Variants in SAMD4A observed in about 807,000 individuals in gnomAD.
SAMD4A encodes the protein sterile alpha motif domain containing 4A, also known as protein Smaug homolog 1.
A neutral mutation model predicts 81.3 loss-of-function variants in SAMD4A; 33 were observed. The ratio of observed to expected loss-of-function variants is 0.41; its 90% CI spans 0.31 to 0.54. The LOEUF is 0.54. Among genes scored for constraint, SAMD4A ranks in the 20% least tolerant of loss-of-function variants. The probability of loss-of-function intolerance (pLI) is 0.37; values close to 1 mark genes in which losing one functional copy is unlikely to be tolerated. For synonymous variants in SAMD4A, 389 were observed against 382.1 expected (o/e 1.02, Z -0.21); for missense variants, 854 against 951.1 (o/e 0.90, Z 1.34).
At chr14:54,652,601 T>C (rs2035427721) in intron 2 of SAMD4A, 1 of 152,240 alleles carries the variant, frequency 6.6e-6, no homozygotes, top group Non-Finnish European at 1.5e-5. Context: ...CTAGTTTTTA[T>C]TTTGTAATCA....
chr14:54,776,434 C>CG lies in SAMD4A; in HGVS notation c.1943dup (p.Ser649GlnfsTer3). On this transcript the variant is annotated frameshift_variant, in exon 11 of 13. Coordinates refer to ENST00000554335, the MANE Select transcript of SAMD4A (RefSeq NM_015589.6). LOFTEE classifies it high-confidence loss of function. ...ACCAGAACCTGTGGTTTGCCAACCC[C>CG]GGGGGCAGCAATAGCATGCCAAGCC... 1 of 1,591,562 alleles carries CG rather than the reference C, an allele frequency of 6.3e-7. No homozygotes were observed. The highest frequency in any genetic ancestry group is 1.8e-5 in the Admixed American group (1 of 56,500).
chr14:54,727,788 T>C (rs1238701831), intron 3 of SAMD4A, among the ~76,000 whole-genome samples: 1 of 152,136 alleles, frequency 6.6e-6, no homozygotes, highest in Non-Finnish European at 1.5e-5. Flanking sequence ...TGAGGGTCAA[T>C]GGTATATAGA....
intron 2 of SAMD4A, among the ~76,000 whole-genome samples, chr14:54,692,522 A>G (rs1320948341): frequency 1.1e-4 from 16 of 152,200 alleles, no homozygotes; most frequent in Non-Finnish European, 2.1e-4. Flanking sequence ...CAGGGGCTAA[A>G]TCTAAGTGTA....
chr14:54,670,144 C>T (rs2035848647), intron 2 of SAMD4A, among the ~76,000 whole-genome samples: 1 of 152,100 alleles, frequency 6.6e-6, no homozygotes, highest in South Asian at 2.1e-4. Flanking sequence ...CCTGTCTGAC[C>T]CCAAGCAAGT....
intron 2 of SAMD4A, among the ~76,000 whole-genome samples, chr14:54,634,986 A>G (rs993572174): frequency 1.3e-5 from 2 of 152,206 alleles, no homozygotes; most frequent in African/African-American, 2.4e-5. Context: ...GTATCCTGCT[A>G]TGCATTCAGG....
Position 54,737,057 on chromosome 14 carries a change from A to G in SAMD4A, c.749A>G (p.Lys250Arg). ...GGCCAGGCACACCACAGCCCTTTGA[A>G]ACGATCTGTGTCCCTTACCCCACCC... ...LSGQAHHSPLKRSVSLTPPMN... is the reference protein window; with the variant it reads ...LSGQAHHSPLRRSVSLTPPMN... Residue 250 changes from lysine to arginine, a missense_variant, in exon 4 of 13, where the codon AAA becomes AGA. Coordinates refer to ENST00000554335, the MANE Select transcript of SAMD4A (RefSeq NM_015589.6). 2 of 1,614,008 alleles carry G rather than the reference A, an allele frequency of 1.2e-6. No homozygotes were observed. Among genetic ancestry groups the G allele is most frequent in the Non-Finnish European group, 1.7e-6 (2 of 1,179,994 alleles).
upstream of SAMD4A, among the ~76,000 whole-genome samples, chr14:54,566,743 ACACACGCGCGCACACACACACG>A (rs976652137): frequency 2.6e-5 from 4 of 151,780 alleles, no homozygotes; most frequent in Non-Finnish European, 5.9e-5. Context: ...GATGCCTGCC[ACACACGCGCGCACACACACACG>A]CACACGCGCG....
chr14:54,623,224 T>C (rs986022951), intron 2 of SAMD4A, among the ~76,000 whole-genome samples: 21 of 152,210 alleles, frequency 1.4e-4, no homozygotes, highest in African/African-American at 4.1e-4. Context: ...GCATCTCTGC[T>C]GGTCTGCCCA....
At position 54,640,523 on chromosome 14, in the gene SAMD4A, A is replaced by G. The variant is rs991103529; in HGVS notation, c.197-61539A>G. ...AGGGCTCCTTTTCCAAATTTATGCT[A>G]TTCTGGTTCGATTCTGGAGAAGCCG... On this transcript the variant is annotated intron_variant, in intron 2 of 12. Transcript: ENST00000554335. Among the ~76,000 whole-genome samples, 20 of 152,092 alleles carry G rather than the reference A, an allele frequency of 1.3e-4. 1 individual carries two copies. The highest frequency in any genetic ancestry group is 1.1e-3 in the Admixed American group (17 of 15,270).
intron 2 of SAMD4A, among the ~76,000 whole-genome samples, chr14:54,584,737 T>G (rs1271781309): frequency 6.6e-6 from 1 of 152,204 alleles, no homozygotes; most frequent in Non-Finnish European, 1.5e-5. Context: ...TTACCTAAGT[T>G]TATGCTAGAT....
chr14:54,768,021 A>C (rs894104243), intron 8 of SAMD4A, among the ~76,000 whole-genome samples: 1 of 152,192 alleles, frequency 6.6e-6, no homozygotes, highest in Non-Finnish European at 1.5e-5. Flanking sequence ...GCTGTTTGCC[A>C]CCAGGGAAGA....
chr14:54,608,967 A>G (rs2034288176), intron 2 of SAMD4A, among the ~76,000 whole-genome samples: 1 of 152,232 alleles, frequency 6.6e-6, no homozygotes, highest in African/African-American at 2.4e-5. Flanking sequence ...CGCTTTTCAC[A>G]TGTCAGAATG....
At chr14:54,718,865 G>A (rs767508985) in intron 3 of SAMD4A, among the ~76,000 whole-genome samples, 43 of 151,964 alleles carry the variant, frequency 2.8e-4, no homozygotes, top group Non-Finnish European at 1.6e-4. Context: ...TCAGCTGGGC[G>A]TGTGGCGGGC....
intron 9 of SAMD4A, among the ~76,000 whole-genome samples, chr14:54,772,853 C>G (rs2038742539): frequency 6.6e-6 from 1 of 151,768 alleles, no homozygotes; most frequent in Admixed American, 6.6e-5. Context: ...CGGCCCTTGT[C>G]TCTACCTCAC....
chr14:54,587,979 C>T (rs1055657789), intron 2 of SAMD4A, among the ~76,000 whole-genome samples: 9 of 151,936 alleles, frequency 5.9e-5, no homozygotes, highest in African/African-American at 1.9e-4. Flanking sequence ...TCTTTGAATG[C>T]CTGATAGAAT....
At position 54,790,672 on chromosome 14, in the gene SAMD4A, TTGTGTGTGTGTGTGTGTG is replaced by T. The variant is rs370482381; in HGVS notation, c.*1747_*1764del. ...TTACATGGATGAGTCGGGTGCCTGG[TTGTGTGTGTGTGTGTGTG>T]TGTGTGTGTGTGTGTGTGAAGTCAG... On this transcript the variant is annotated 3_prime_UTR_variant, in exon 13 of 13. Transcript: ENST00000554335. 1 of 142,014 alleles carries T rather than the reference TTGTGTGTGTGTGTGTGTG, an allele frequency of 7.0e-6. No individual in the cohort carries two copies. The highest frequency in any genetic ancestry group is 2.3e-4 in the South Asian group (1 of 4,358). The allele number at this position is 142,014 out of a possible 1,614,324, so 8.8% of individuals were successfully genotyped here.
At chr14:54,747,857 A>G (rs2038005201) in intron 4 of SAMD4A, among the ~76,000 whole-genome samples, 1 of 152,210 alleles carries the variant, frequency 6.6e-6, no homozygotes, top group Non-Finnish European at 1.5e-5. Flanking sequence ...GATTCTGGAA[A>G]CTTTCCAAAG....
chr14:54,678,021 A>G (rs565224823), intron 2 of SAMD4A, among the ~76,000 whole-genome samples: 1 of 152,372 alleles, frequency 6.6e-6, no homozygotes, highest in South Asian at 2.1e-4. Flanking sequence ...CTACAACAAA[A>G]GACAGATTTT....
intron 2 of SAMD4A, among the ~76,000 whole-genome samples, chr14:54,588,454 C>T (rs1231173013): frequency 1.3e-5 from 2 of 151,750 alleles, no homozygotes; most frequent in Admixed American, 6.6e-5. Context: ...CTTGTTTCTC[C>T]AGTTCCATGA....
Sources: gnomAD v4.1 joint callset for allele counts (sites outside exome capture counted in the v4.1 genomes callset) on GRCh38, gnomAD v4.1.1 for gene constraint, MANE v1.5 for transcripts, NCBI Gene and HGNC (gene_info 2026-07-23, HGNC 2026-07-21) for gene names.